Variants in ZNF420 observed in about 807,000 individuals in gnomAD.
ZNF420 encodes ATM and p53-associated KZNF protein.
In ZNF420, 31 loss-of-function variants were observed where a neutral mutation model predicts 44.7. That is an observed-to-expected ratio of 0.69 (90% confidence interval 0.52 to 0.94). The LOEUF (loss-of-function observed/expected upper bound fraction) is 0.94. Ranked by LOEUF, ZNF420 falls within the 40% of genes least tolerant of loss-of-function variation. The pLI is 0.00. For synonymous variants in ZNF420, 245 were observed against 267.4 expected, an observed-to-expected ratio of 0.92 and a Z score of 0.82; for missense variants, 681 against 827.9, an observed-to-expected ratio of 0.82 and a Z score of 2.18.
chr19:37,111,609 T>C (rs1271442477), intron 4 of ZNF420: 6 of 152,224 alleles, frequency 3.9e-5, no homozygotes, highest in Non-Finnish European at 8.8e-5. Flanking sequence ...GCACATCAAA[T>C]ATCAACGTAA....
At chr19:37,125,666 T>C (rs1431737628) in intron 4 of ZNF420, among the ~76,000 whole-genome samples, 1 of 152,230 alleles carries the variant, frequency 6.6e-6, no homozygotes, top group Non-Finnish European at 1.5e-5. Context: ...TTTCATTACC[T>C]AGTTTTTATT....
chr19:37,122,345 C>A (rs1427644373), intron 4 of ZNF420, among the ~76,000 whole-genome samples: 1 of 151,914 alleles, frequency 6.6e-6, no homozygotes, highest in Non-Finnish European at 1.5e-5. Flanking sequence ...TCATCATTCT[C>A]AGCAAACTAT....
chr19:37,117,514 A>T (rs1473565073), intron 4 of ZNF420, among the ~76,000 whole-genome samples: 15 of 151,686 alleles, frequency 9.9e-5, no homozygotes, highest in Admixed American at 9.9e-4. Context: ...AACCACAAAG[A>T]TGGGGAAAAA....
At chr19:37,059,794 TTCTCTCTC>T (rs545964943) in intron 1 of ZNF420, among the ~76,000 whole-genome samples, 3 of 149,436 alleles carry the variant, frequency 2.0e-5, no homozygotes, top group African/African-American at 4.9e-5. Context: ...CTCTGTCTCT[TTCTCTCTC>T]TCTCTCTCTC....
intron 4 of ZNF420, among the ~76,000 whole-genome samples, chr19:37,100,982 T>C (rs961148164): frequency 1.4e-5 from 2 of 142,152 alleles, no homozygotes; most frequent in African/African-American, 5.5e-5. Context: ...GCCTCTTTGG[T>C]TAAATTTATT....
intron 1 of ZNF420, among the ~76,000 whole-genome samples, chr19:37,069,721 C>A (rs1337579995): frequency 6.6e-6 from 1 of 152,004 alleles, no homozygotes; most frequent in African/African-American, 2.4e-5. Flanking sequence ...TTTACACCAT[C>A]ATAAAGTTAA....
chr19:37,038,917 C>T (rs368941892), intron 1 of ZNF420, among the ~76,000 whole-genome samples: 21 of 151,626 alleles, frequency 1.4e-4, no homozygotes, highest in African/African-American at 4.1e-4. Flanking sequence ...ACCCAGGAGG[C>T]GGAGGTTGCA....
At chr19:37,007,977 G>T in exon 1 of ZNF420, 2 of 167,556 alleles carry the variant, frequency 1.2e-5, no homozygotes, top group South Asian at 2.5e-4. Flanking sequence ...GACGTTCTCC[G>T]AATGCCAGGA....
At chr19:37,068,003 G>A (rs1162745674) in intron 1 of ZNF420, among the ~76,000 whole-genome samples, 6 of 150,314 alleles carry the variant, frequency 4.0e-5, no homozygotes, top group Admixed American at 4.0e-4. Context: ...GTGTGTGTGT[G>A]TATATATATA....
chr19:37,116,147 CTCTT>C (rs1289442293), intron 4 of ZNF420, among the ~76,000 whole-genome samples: 2 of 152,046 alleles, frequency 1.3e-5, no homozygotes, highest in South Asian at 2.1e-4. Context: ...AGGCTGATCT[CTCTT>C]TCTTTTCCCC....
At chr19:37,043,218 C>T (rs777480378) in intron 1 of ZNF420, among the ~76,000 whole-genome samples, 12 of 152,290 alleles carry the variant, frequency 7.9e-5, no homozygotes, top group African/African-American at 2.2e-4. Flanking sequence ...CACAGATAGA[C>T]GCTCCACACA....
chr19:37,098,712 C>T (rs1408396242), intron 4 of ZNF420, among the ~76,000 whole-genome samples: 2 of 152,194 alleles, frequency 1.3e-5, no homozygotes, highest in African/African-American at 4.8e-5. Context: ...AAGATGCTCT[C>T]TTCTAGCTAT....
At chr19:37,124,655 A>G (rs1971244337) in intron 4 of ZNF420, among the ~76,000 whole-genome samples, 1 of 110,562 alleles carries the variant, frequency 9.0e-6, no homozygotes, top group Non-Finnish European at 2.0e-5. Context: ...ATATTGGATA[A>G]TTGTTTTTTT....
intron 1 of ZNF420, among the ~76,000 whole-genome samples, chr19:37,056,882 G>A (rs1354052341): frequency 6.6e-6 from 1 of 152,226 alleles, no homozygotes; most frequent in African/African-American, 2.4e-5. Context: ...CTACCGGACC[G>A]GGGATCCAGC....
chr19:37,045,627 T>C (rs892343778), intron 1 of ZNF420, among the ~76,000 whole-genome samples: 2 of 152,198 alleles, frequency 1.3e-5, no homozygotes, highest in African/African-American at 2.4e-5. Context: ...TCTTGAGCCA[T>C]TGTCATTTGG....
At chr19:37,044,376 C>G (rs555600493) in intron 1 of ZNF420, among the ~76,000 whole-genome samples, 13 of 152,112 alleles carry the variant, frequency 8.5e-5, no homozygotes, top group East Asian at 7.8e-4. Context: ...AACCGAGGAT[C>G]GGTGGGTGGC....
At chr19:37,096,321 T>C (rs981195026) in intron 4 of ZNF420, among the ~76,000 whole-genome samples, 6 of 152,204 alleles carry the variant, frequency 3.9e-5, no homozygotes, top group African/African-American at 1.4e-4. Flanking sequence ...TCCCAATTTC[T>C]GGGAAACAGG....
intron 4 of ZNF420, among the ~76,000 whole-genome samples, chr19:37,096,899 ATTC>A (rs1476768447): frequency 1.4e-5 from 2 of 148,132 alleles, no homozygotes; most frequent in African/African-American, 5.0e-5. Context: ...GTTTTTTCTT[ATTC>A]TTTTTTTTTT....
chr19:37,055,008 C>CA lies in ZNF420; in HGVS notation c.-124-25332dup, dbSNP rs139525408. Among the ~76,000 whole-genome samples, 939 of 152,106 alleles carry CA rather than the reference C, an allele frequency of 6.2e-3. 28 individuals are homozygous for CA. The highest frequency in any genetic ancestry group is 0.05 in the East Asian group (257 of 5,174). ...GGTTGCTACTCCCTGTGTCCAGGAA[C>CA]AAAAAGAGACATAAAGAGCAAAAAG... On this transcript the variant is annotated intron_variant, in intron 1 of 4. Coordinates refer to the ZNF420 transcript ENST00000587029.
Sources: allele counts gnomAD v4.1 joint callset (sites outside exome capture counted in the v4.1 genomes callset), GRCh38; gene constraint gnomAD v4.1.1; transcripts MANE v1.5; gene names NCBI Gene and HGNC (gene_info 2026-07-23, HGNC 2026-07-21).